The following KLHDC10 variants were observed in gnomAD, a reference collection of about 807,000 sequenced individuals.
KLHDC10 encodes kelch domain containing 10.
Under a neutral mutation model 56.1 loss-of-function variants are expected in KLHDC10, and 24 were observed. The observed-to-expected ratio is 0.43, with a 90% confidence interval of 0.31 to 0.60. The LOEUF is 0.60. Ranked by LOEUF, KLHDC10 falls within the 20% of genes least tolerant of loss-of-function variation. KLHDC10 has a pLI of 0.11. For synonymous variants in KLHDC10, 188 were observed against 207.1 expected, an observed-to-expected ratio of 0.91 and a Z score of 0.79; for missense variants, 349 against 567.0, an observed-to-expected ratio of 0.62 and a Z score of 3.91.
chr7:130,086,584 G>A (rs1230737017), intron 1 of KLHDC10, among the ~76,000 whole-genome samples: 2 of 152,094 alleles, frequency 1.3e-5, no homozygotes. Flanking sequence ...TATTAAAACA[G>A]AGTGCAACAA....
chr7:130,072,819 C>T (rs572781586), intron 1 of KLHDC10, among the ~76,000 whole-genome samples: 5 of 152,030 alleles, frequency 3.3e-5, no homozygotes, highest in African/African-American at 9.6e-5. Context: ...TGCAGTGTCG[C>T]GATCTCGGCT....
At chr7:130,114,584 T>C (rs1796142430) in intron 2 of KLHDC10, among the ~76,000 whole-genome samples, 1 of 152,194 alleles carries the variant, frequency 6.6e-6, no homozygotes, top group Non-Finnish European at 1.5e-5. Context: ...CACCACACTT[T>C]CTGTTTCAAG....
At chr7:130,103,715 T>TG (rs1018366016) in intron 2 of KLHDC10, among the ~76,000 whole-genome samples, 6 of 152,166 alleles carry the variant, frequency 3.9e-5, no homozygotes, top group South Asian at 4.1e-4. Flanking sequence ...AATGTTTAAG[T>TG]GGGGGGGTCA....
At position 130,070,732 on chromosome 7, in the gene KLHDC10, G is replaced by A; in HGVS notation, c.89G>A (p.Gly30Asp). Residue 30 changes from glycine (G) to aspartate (D), a missense_variant, in exon 1 of 10, where the codon GGC becomes GAC. Physicochemically the swap from Gly to Asp is moderately conservative, Grantham distance 94 (BLOSUM62 -1). Coordinates refer to ENST00000335420, the MANE Select transcript of KLHDC10 (RefSeq NM_014997.4). ...AGGGGSGAGGGSGGSGGRGTG... is the reference protein window; with the variant it reads ...AGGGGSGAGGDSGGSGGRGTG... ...GGCGGAGGTAGCGGGGCCGGCGGGG[G>A]CAGTGGGGGCAGCGGGGGTCGGGGG... is the stretch of plus-strand genomic sequence containing the variant. 7.8e-7 allele frequency: 1 copy of A among 1,280,064 alleles called. No homozygotes were observed. Among genetic ancestry groups the A allele is most frequent in the Non-Finnish European group, 9.9e-7 (1 of 1,010,536 alleles). The allele number at this position is 1,280,064 out of a possible 1,614,324, so 79.3% of individuals were successfully genotyped here. A position where few individuals can be genotyped will look rare whatever the true frequency, so the allele number is the denominator to read the frequency against.
intron 1 of KLHDC10, among the ~76,000 whole-genome samples, chr7:130,075,428 G>A (rs1381427755): frequency 1.3e-5 from 2 of 152,130 alleles, no homozygotes; most frequent in Non-Finnish European, 2.9e-5. Flanking sequence ...TATGGTAAAA[G>A]GCAAGTTTTT....
chr7:130,122,739 C>T (rs1796264873), intron 5 of KLHDC10, among the ~76,000 whole-genome samples: 1 of 152,134 alleles, frequency 6.6e-6, no homozygotes, highest in African/African-American at 2.4e-5. Context: ...ACAGATGAGG[C>T]CGCACCGTGT....
chr7:130,070,613 G>C lies in KLHDC10; in HGVS notation c.-31G>C, dbSNP rs998530353. Reference sequence around the variant, plus strand: ...TGGTTCCGCTGGGTCAGGCGCTGACGGGACCGGGCTGCGGCAATCGTTAGC... The same window carrying C: ...TGGTTCCGCTGGGTCAGGCGCTGACCGGACCGGGCTGCGGCAATCGTTAGC... On this transcript the variant is annotated 5_prime_UTR_variant, in exon 1 of 10. Transcript: ENST00000335420. 4 of 1,302,768 alleles carry C rather than the reference G, an allele frequency of 3.1e-6. No homozygotes were observed. Among genetic ancestry groups the C allele is most frequent in the Non-Finnish European group, 3.9e-6 (4 of 1,020,822 alleles). The allele number at this position is 1,302,768 out of a possible 1,614,324, so 80.7% of individuals were successfully genotyped here.
intron 1 of KLHDC10, among the ~76,000 whole-genome samples, chr7:130,087,487 G>A (rs1795707416): frequency 6.6e-6 from 1 of 152,018 alleles, no homozygotes; most frequent in Admixed American, 6.6e-5. Flanking sequence ...GGCATAATAA[G>A]ACTAGATAGT....
chr7:130,079,092 C>G (rs1295812560), intron 1 of KLHDC10, among the ~76,000 whole-genome samples: 1 of 151,806 alleles, frequency 6.6e-6, no homozygotes, highest in Non-Finnish European at 1.5e-5. Flanking sequence ...GAGTCTCACT[C>G]TGTTGCCTAG....
At chr7:130,108,572 A>AAAAAAAAAAAAAAAAAT (rs1405437913) in intron 2 of KLHDC10, among the ~76,000 whole-genome samples, 1 of 144,006 alleles carries the variant, frequency 6.9e-6, no homozygotes, top group African/African-American at 2.6e-5. Context: ...AAAAAAAAAA[A>AAAAAAAAAAAAAAAAAT]AGCTGGGCGT....
chr7:130,114,805 C>T (rs1796145185), intron 2 of KLHDC10, among the ~76,000 whole-genome samples: 1 of 151,822 alleles, frequency 6.6e-6, no homozygotes, highest in Non-Finnish European at 1.5e-5. Context: ...GGTATTTCCA[C>T]AAGTAGGGAT....
Position 130,130,437 on chromosome 7 carries a change from A to C in KLHDC10, c.1120-100A>C. 1 of 902,280 alleles carries C rather than the reference A, an allele frequency of 1.1e-6. No individual in the cohort carries two copies. Among genetic ancestry groups the C allele is most frequent in the Non-Finnish European group, 1.8e-6 (1 of 554,762 alleles). The allele number at this position is 902,280 out of a possible 1,614,324, so 55.9% of individuals were successfully genotyped here. On this transcript the variant is annotated intron_variant, in intron 9 of 9. Transcript: ENST00000335420. The surrounding 1 kb of genome is among the most constrained non-coding windows in gnomAD (Gnocchi z 4.2). The stretch of plus-strand genomic sequence containing the variant: ...GGGATCAGTGAGGAATTCTTGTTTC[A>C]TTTCATTTTGATTCCATCTACTATG...
intron 5 of KLHDC10, among the ~76,000 whole-genome samples, chr7:130,123,620 C>A (rs1332807625): frequency 6.6e-6 from 1 of 151,958 alleles, no homozygotes; most frequent in Non-Finnish European, 1.5e-5. Context: ...AACAAAATAG[C>A]ATATAGGTGC....
intron 5 of KLHDC10, among the ~76,000 whole-genome samples, chr7:130,122,649 A>G (rs1195112943): frequency 6.6e-6 from 1 of 152,178 alleles, no homozygotes; most frequent in Non-Finnish European, 1.5e-5. Flanking sequence ...TCCTGGGCTC[A>G]AGGCATTCTC....
At chr7:130,079,016 A>C (rs1795558895) in intron 1 of KLHDC10, among the ~76,000 whole-genome samples, 1 of 152,010 alleles carries the variant, frequency 6.6e-6, no homozygotes, top group Non-Finnish European at 1.5e-5. Flanking sequence ...TAAAGTATTC[A>C]GCTGTTACTG....
intron 2 of KLHDC10, among the ~76,000 whole-genome samples, chr7:130,108,690 C>T (rs1262213263): frequency 1.3e-5 from 2 of 149,324 alleles, no homozygotes; most frequent in African/African-American, 4.9e-5. Context: ...TCATTGCACT[C>T]CAGCCTGGGC....
intron 2 of KLHDC10, among the ~76,000 whole-genome samples, chr7:130,108,240 A>T (rs1796043765): frequency 1.3e-5 from 2 of 151,920 alleles, no homozygotes; most frequent in South Asian, 4.1e-4. Context: ...AAAAAAGAAA[A>T]AAGAAACTAT....
intron 1 of KLHDC10, among the ~76,000 whole-genome samples, chr7:130,087,340 GTCAGA>G (rs1166657815): frequency 6.6e-6 from 1 of 152,158 alleles, no homozygotes; most frequent in Non-Finnish European, 1.5e-5. Flanking sequence ...TATGTTGCTT[GTCAGA>G]TCAGAATCCT....
rs1273794749 is a variant in KLHDC10 at position 130,130,055 on chromosome 7, G to A, written c.1119+479G>A. Reference sequence around the variant, plus strand: ...ATATAGGCCGGGCGCGGTGGCTCAGGCCTGTAATCCCAGCACTTTGGGAGG... The same window carrying A: ...ATATAGGCCGGGCGCGGTGGCTCAGACCTGTAATCCCAGCACTTTGGGAGG... On this transcript the variant is annotated intron_variant, in intron 9 of 9. Transcript: ENST00000335420. The surrounding 1 kb of genome is among the most constrained non-coding windows in gnomAD (Gnocchi z 4.2). Among the ~76,000 whole-genome samples, 4 of 152,000 alleles carry A rather than the reference G, an allele frequency of 2.6e-5. No homozygotes were observed. Among genetic ancestry groups the A allele is most frequent in the East Asian group, 3.9e-4 (2 of 5,188 alleles).
Sources: allele counts gnomAD v4.1 joint callset (sites outside exome capture counted in the v4.1 genomes callset), GRCh38; gene constraint gnomAD v4.1.1; non-coding constraint Gnocchi (gnomAD v3.1); transcripts MANE v1.5; gene names NCBI Gene and HGNC (gene_info 2026-07-23, HGNC 2026-07-21).